CSMD1: variants seen among roughly 807,000 people sequenced by gnomAD.
The protein encoded by CSMD1 is CUB and Sushi multiple domains 1.
A neutral mutation model predicts 417.5 loss-of-function variants in CSMD1; 213 were observed. That is an observed-to-expected ratio of 0.51 (90% CI 0.46 to 0.57). CSMD1 has a LOEUF of 0.57. Among genes scored for constraint, CSMD1 ranks in the 20% least tolerant of loss-of-function variants. The pLI, the probability that CSMD1 is intolerant of heterozygous loss-of-function variation, is 0.00. For missense variants in CSMD1, 6,923 were observed against 4,529.7 expected, an observed-to-expected ratio of 1.53 and a Z score of -15.17; for synonymous variants, 2,862 against 1,736.8, an observed-to-expected ratio of 1.65 and a Z score of -16.11.
intron 53 of CSMD1, 107 bp from the exon 54 acceptor site, chr8:2,998,291 G>C (rs1005258193): frequency 1.6e-5 from 18 of 1,112,744 alleles, no homozygotes; most frequent in Non-Finnish European, 2.2e-5. Context: ...ATGGACTGAA[G>C]GTTTTCCACT....
intron 3 of CSMD1, among the ~76,000 whole-genome samples, chr8:4,040,201 C>T (rs147499515): frequency 4.6e-5 from 7 of 152,112 alleles, no homozygotes; most frequent in Non-Finnish European, 5.9e-5. Flanking sequence ...AGAAGGACAT[C>T]GTAGTTTTTC....
intron 2 of CSMD1, among the ~76,000 whole-genome samples, chr8:4,578,613 A>G (rs953599457): frequency 7.3e-5 from 11 of 151,262 alleles, no homozygotes; most frequent in African/African-American, 2.2e-4. Context: ...TCAGGAGTTC[A>G]AGATCAGCCT....
chr8:3,587,371 T>C (rs1800649452), intron 8 of CSMD1, among the ~76,000 whole-genome samples: 1 of 152,184 alleles, frequency 6.6e-6, no homozygotes, highest in African/African-American at 2.4e-5. Flanking sequence ...CAAGAGGAAA[T>C]TCTACTCATG....
intron 7 of CSMD1, among the ~76,000 whole-genome samples, chr8:3,628,177 C>T (rs946671788): frequency 6.6e-6 from 1 of 152,196 alleles, no homozygotes. Context: ...TACTGAATCT[C>T]TACCATTGTA....
intron 6 of CSMD1, among the ~76,000 whole-genome samples, chr8:3,716,105 GC>G (rs1377810816): frequency 6.6e-6 from 1 of 152,146 alleles, no homozygotes; most frequent in African/African-American, 2.4e-5. Context: ...AGCACTTTCT[GC>G]CCTTTGCTTC....
At chr8:4,137,970 T>C (rs201632489) in intron 3 of CSMD1, among the ~76,000 whole-genome samples, 43,380 of 147,928 alleles carry the variant, frequency 0.29, 7,786 homozygotes, top group Non-Finnish European at 0.38. Flanking sequence ...CTCCATCTCC[T>C]CGGTTCACGC....
At chr8:4,024,645 T>C (rs538401239) in intron 4 of CSMD1, among the ~76,000 whole-genome samples, 10 of 152,326 alleles carry the variant, frequency 6.6e-5, no homozygotes, top group Middle Eastern at 3.4e-3. Context: ...CTTGCATTTA[T>C]GGGCCTCAGC....
intron 27 of CSMD1, among the ~76,000 whole-genome samples, chr8:3,226,480 G>C (rs1040154337): frequency 6.6e-5 from 10 of 151,800 alleles, no homozygotes; most frequent in Non-Finnish European, 1.3e-4. Flanking sequence ...CTACTCAGGA[G>C]GCTGAGGCAG....
rs776663718 is a variant in CSMD1, at chr8:3,493,624, C to T, written c.1447G>A (p.Val483Met). 3.7e-5 allele frequency: 60 copies of T among 1,606,778 alleles called. No homozygotes were observed. The highest frequency in any genetic ancestry group is 4.7e-5 in the Non-Finnish European group (55 of 1,176,382). The change falls in exon 11 of 70, where the codon GTG (valine) becomes ATG (methionine). Residue 483 changes from valine to methionine, a missense_variant and splice_region_variant. Coordinates refer to ENST00000635120, the MANE Select transcript of CSMD1 (RefSeq NM_033225.6). ...KVGDTRSVLY[V>M]LTGSSVPDLI... ...GAAGAAGCTCAAGGACATACTCACA[C>T]GTACAAGACCGATCTGGTGTCTCCC...
At chr8:3,885,279 A>C (rs1196484464) in intron 5 of CSMD1, among the ~76,000 whole-genome samples, 2 of 152,126 alleles carry the variant, frequency 1.3e-5, no homozygotes, top group Non-Finnish European at 2.9e-5. Context: ...GACAGGTGTG[A>C]GTTATAGAAT....
intron 22 of CSMD1, 57 bp downstream of exon 22, chr8:3,347,935 A>T (rs1808121529): frequency 3.3e-6 from 4 of 1,210,472 alleles, no homozygotes; most frequent in African/African-American, 3.1e-5. Context: ...ATAGATAGAC[A>T]ATGTATTTTT....
At chr8:3,261,242 C>G (rs138977663) in intron 26 of CSMD1, among the ~76,000 whole-genome samples, 1 of 152,112 alleles carries the variant, frequency 6.6e-6, no homozygotes, top group Non-Finnish European at 1.5e-5. Context: ...GGCAGAAAAA[C>G]AGAATCACGT....
intron 1 of CSMD1, among the ~76,000 whole-genome samples, chr8:4,865,763 C>G (rs945725696): frequency 1.3e-5 from 2 of 151,796 alleles, no homozygotes; most frequent in Non-Finnish European, 2.9e-5. Flanking sequence ...TCAACCCTAG[C>G]CCCAAACAAA....
chr8:3,564,517 TTGTGTGTGTG>T (rs34665230), intron 10 of CSMD1, among the ~76,000 whole-genome samples: 2 of 145,392 alleles, frequency 1.4e-5, no homozygotes, highest in African/African-American at 5.2e-5. Context: ...CACAGTATAT[TTGTGTGTGTG>T]TGTGTGTGTG....
intron 8 of CSMD1, among the ~76,000 whole-genome samples, chr8:3,595,675 T>C (rs1016086066): frequency 5.9e-5 from 9 of 152,188 alleles, no homozygotes; most frequent in East Asian, 1.9e-4. Flanking sequence ...AAGCACCGCA[T>C]TGACAATGAG....
chr8:4,333,174 G>A (rs757278020), intron 3 of CSMD1, among the ~76,000 whole-genome samples: 8 of 152,128 alleles, frequency 5.3e-5, no homozygotes, highest in African/African-American at 7.2e-5. Context: ...AAAATCCTTC[G>A]CAAGTTGGGA....
intron 12 of CSMD1, among the ~76,000 whole-genome samples, chr8:3,459,402 T>A (rs1325508876): frequency 6.6e-6 from 1 of 152,146 alleles, no homozygotes; most frequent in Non-Finnish European, 1.5e-5. Flanking sequence ...ACAACTTCCT[T>A]GCAATGCAGC....
intron 5 of CSMD1, among the ~76,000 whole-genome samples, chr8:3,989,686 C>G (rs985991537): frequency 2.0e-5 from 3 of 152,112 alleles, no homozygotes; most frequent in Non-Finnish European, 4.4e-5. Flanking sequence ...CTGTGATACT[C>G]TAAAGAGATT....
chr8:3,881,879 G>A (rs1345571745), intron 5 of CSMD1, among the ~76,000 whole-genome samples: 2 of 152,032 alleles, frequency 1.3e-5, no homozygotes, highest in Admixed American at 6.5e-5. Flanking sequence ...TCCATAAATG[G>A]GGCTGGGTCA....
Sources: gnomAD v4.1 joint callset for allele counts (sites outside exome capture counted in the v4.1 genomes callset) on GRCh38, gnomAD v4.1.1 for gene constraint, MANE v1.5 for transcripts, NCBI Gene and HGNC (gene_info 2026-07-23, HGNC 2026-07-21) for gene names.